Variants in LAMA2 observed in about 807,000 individuals in gnomAD.
The protein encoded by LAMA2 is laminin subunit alpha-2.
Under a neutral mutation model 364.8 loss-of-function variants are expected in LAMA2, and 269 were observed. The ratio of observed to expected loss-of-function variants is 0.74; its 90% CI spans 0.67 to 0.82. The LOEUF is 0.82. Among genes scored for constraint, LAMA2 ranks in the 40% least tolerant of loss-of-function variants. The probability of loss-of-function intolerance (pLI) is 0.00; values close to 1 mark genes in which losing one functional copy is unlikely to be tolerated. For missense variants in LAMA2, 3,807 were observed against 3,873.2 expected (o/e 0.98, Z 0.45); for synonymous variants, 1,379 against 1,370.6 (o/e 1.01, Z -0.14).
chr6:129,299,965 A>G (rs1773448037), intron 21 of LAMA2, among the ~76,000 whole-genome samples: 1 of 152,200 alleles, frequency 6.6e-6, no homozygotes, highest in African/African-American at 2.4e-5. Context: ...GAAACGCTGC[A>G]CTAGAAATAT....
At chr6:128,933,535 A>T (rs1779625543) in intron 1 of LAMA2, among the ~76,000 whole-genome samples, 1 of 152,144 alleles carries the variant, frequency 6.6e-6, no homozygotes, top group African/African-American at 2.4e-5. Flanking sequence ...TTACATTCCC[A>T]CCAAAAGTGT....
At chr6:128,950,960 C>G (rs766981761) in intron 1 of LAMA2, among the ~76,000 whole-genome samples, 16 of 152,056 alleles carry the variant, frequency 1.1e-4, no homozygotes, top group South Asian at 6.2e-4. Flanking sequence ...AGCACTAAGG[C>G]CATGTAAAAA....
intron 3 of LAMA2, among the ~76,000 whole-genome samples, chr6:129,091,417 TA>T (rs1774819125): frequency 6.6e-6 from 1 of 152,210 alleles, no homozygotes; most frequent in East Asian, 1.9e-4. Flanking sequence ...AATGTGAGTA[TA>T]AAAAGTCTGT....
chr6:129,443,501 T>C (rs1782218870), intron 44 of LAMA2, among the ~76,000 whole-genome samples: 2 of 152,174 alleles, frequency 1.3e-5, no homozygotes, highest in South Asian at 4.1e-4. Flanking sequence ...TTAACTAGAT[T>C]ATGCTGTTTC....
intron 1 of LAMA2, among the ~76,000 whole-genome samples, chr6:128,924,246 T>G (rs1197515588): frequency 6.6e-6 from 1 of 152,188 alleles, no homozygotes; most frequent in African/African-American, 2.4e-5. Context: ...GTGTGATGTA[T>G]GTATACATAG....
chr6:129,081,015 T>C (rs911911411), intron 3 of LAMA2, among the ~76,000 whole-genome samples: 1 of 152,192 alleles, frequency 6.6e-6, no homozygotes, highest in African/African-American at 2.4e-5. Context: ...AATGATAGAC[T>C]GGTTTAAGAA....
chr6:129,435,782 T>G (rs1781802727), intron 41 of LAMA2, among the ~76,000 whole-genome samples: 1 of 152,148 alleles, frequency 6.6e-6, no homozygotes, highest in Admixed American at 6.6e-5. Context: ...GTACTCTTCT[T>G]CACATCCAGA....
intron 43 of LAMA2, chr6:129,442,226 C>G (rs1782154070): frequency 3.8e-6 from 5 of 1,317,480 alleles, no homozygotes; most frequent in African/African-American, 1.5e-5. Flanking sequence ...AGCCTCAAAT[C>G]AAATCCTATG....
At chr6:129,294,805 A>G (rs1161942231) in intron 20 of LAMA2, among the ~76,000 whole-genome samples, 1 of 152,196 alleles carries the variant, frequency 6.6e-6, no homozygotes, top group Non-Finnish European at 1.5e-5. Context: ...AGGCAGGAGC[A>G]TAGAGAGTTT....
chr6:129,314,668 G>T lies in LAMA2; in HGVS notation c.3425G>T (p.Gly1142Val). Residue 1142 changes from glycine to valine, a missense_variant, in exon 24 of 65, where the codon GGC becomes GTC. By Grantham distance (109) the Gly-to-Val change is moderately radical (BLOSUM62 -3). This residue lies in a region of LAMA2 where 3,333 missense variants were observed against 3,345.7 expected (regional missense o/e 1.00). Transcript: ENST00000421865. Reference protein sequence around the residue: ...GQCTCKVNVEGIHCDRCRPGK... With the variant: ...GQCTCKVNVEVIHCDRCRPGK... ...GTCTTTCCTCAGGTGAATGTGGAAG[G>T]CATCCACTGTGACAGATGCCGGCCT... is the stretch of plus-strand genomic sequence containing the variant. 1 of 1,613,562 alleles carries T rather than the reference G, an allele frequency of 6.2e-7. No homozygotes were observed.
At chr6:129,408,654 C>T (rs1022403898) in intron 40 of LAMA2, among the ~76,000 whole-genome samples, 1 of 152,038 alleles carries the variant, frequency 6.6e-6, no homozygotes, top group Non-Finnish European at 1.5e-5. Context: ...GGCTGATCAC[C>T]CTGAGGAAGG....
intron 16 of LAMA2, 36 bp from the exon 17 acceptor site, chr6:129,270,588 C>A (rs1787854334): frequency 6.2e-7 from 1 of 1,611,180 alleles, no homozygotes; most frequent in African/African-American, 1.3e-5. Flanking sequence ...TCCCTGACAC[C>A]AAAATAATAA....
At chr6:129,123,977 T>A (rs1776959065) in intron 4 of LAMA2, among the ~76,000 whole-genome samples, 1 of 152,172 alleles carries the variant, frequency 6.6e-6, no homozygotes, top group Admixed American at 6.5e-5. Context: ...GTGGTGATGG[T>A]TTCGCTGGTG....
chr6:129,437,918 TTAATC>T (rs1781913809), intron 41 of LAMA2, among the ~76,000 whole-genome samples: 1 of 151,806 alleles, frequency 6.6e-6, no homozygotes, highest in African/African-American at 2.4e-5. Flanking sequence ...ACAATATAAA[TTAATC>T]TAAAGTTTAG....
chr6:129,243,527 C>T (rs996622554), intron 12 of LAMA2, among the ~76,000 whole-genome samples: 1 of 151,592 alleles, frequency 6.6e-6, no homozygotes, highest in African/African-American at 2.4e-5. Context: ...GAGCAGTGGA[C>T]GGGCTGAGCT....
intron 12 of LAMA2, among the ~76,000 whole-genome samples, chr6:129,237,701 GT>G (rs1210279159): frequency 1.3e-5 from 2 of 152,114 alleles, no homozygotes; most frequent in African/African-American, 4.8e-5. Flanking sequence ...AAACTGCTAT[GT>G]CAAAGTATAT....
chr6:129,304,886 G>A (rs1259906626), intron 22 of LAMA2, among the ~76,000 whole-genome samples: 3 of 152,168 alleles, frequency 2.0e-5, no homozygotes, highest in Middle Eastern at 3.4e-3. Context: ...TTTATGGCCC[G>A]GAATAGTGTT....
In LAMA2 at chr6:128,888,691, A is replaced by C. The variant is rs140699261; in HGVS notation, c.112+5334A>C. 1.4e-3 allele frequency among the ~76,000 whole-genome samples: 211 copies of C among 152,312 alleles called. 1 individual carries two copies. Among genetic ancestry groups the C allele is most frequent in the African/African-American group, 5.0e-3 (206 of 41,578 alleles). On this transcript the variant is annotated intron_variant, in intron 1 of 64. Coordinates refer to ENST00000421865, the MANE Select transcript of LAMA2 (RefSeq NM_000426.4). The stretch of plus-strand genomic sequence containing the variant: ...CAGGCCTATGAGGATCTAAGCTTGG[A>C]GCATGGTGAGAAGGCTCAGAGGAGA...
intron 1 of LAMA2, among the ~76,000 whole-genome samples, chr6:128,944,253 T>C (rs1780358245): frequency 1.3e-5 from 2 of 152,132 alleles, no homozygotes; most frequent in Non-Finnish European, 2.9e-5. Flanking sequence ...TTAAATGAAT[T>C]AATTTTGGAC....
Sources: allele counts gnomAD v4.1 joint callset (sites outside exome capture counted in the v4.1 genomes callset), GRCh38; gene constraint gnomAD v4.1.1; regional missense constraint gnomAD v4.1.1; transcripts MANE v1.5; gene names NCBI Gene and HGNC (gene_info 2026-07-23, HGNC 2026-07-21).